SHISA9: variants seen among roughly 807,000 people sequenced by gnomAD.
SHISA9 encodes protein shisa-9.
A neutral mutation model predicts 38.0 loss-of-function variants in SHISA9; 13 were observed. The observed-to-expected ratio is 0.34, with a 90% confidence interval of 0.22 to 0.54. The LOEUF (loss-of-function observed/expected upper bound fraction) is 0.54. Among genes scored for constraint, SHISA9 ranks in the 20% least tolerant of loss-of-function variants. The probability of loss-of-function intolerance (pLI) is 0.91; values close to 1 mark genes in which losing one functional copy is unlikely to be tolerated. For synonymous variants in SHISA9, 275 were observed against 242.0 expected, an observed-to-expected ratio of 1.14 and a Z score of -1.27; for missense variants, 538 against 575.8, an observed-to-expected ratio of 0.93 and a Z score of 0.67.
At chr16:12,910,096 A>G (rs1309029456) in intron 1 of SHISA9, 1 of 152,244 alleles carries the variant, frequency 6.6e-6, no homozygotes, top group Non-Finnish European at 1.5e-5. Context: ...ACCTCAAGTG[A>G]TCCACCTGTC....
intron 4 of SHISA9, among the ~76,000 whole-genome samples, chr16:13,220,462 AT>A (rs1283610401): frequency 1.3e-5 from 2 of 152,210 alleles, no homozygotes; most frequent in Non-Finnish European, 2.9e-5. Flanking sequence ...CAAAGAATTG[AT>A]TCATGCATTA....
Position 13,074,469 on chromosome 16 carries a change from T to A in SHISA9, c.692-128925T>A, listed in dbSNP as rs148222258. Among the ~76,000 whole-genome samples the A allele has an allele frequency of 6.2e-3, 944 of 152,228 alleles. 10 individuals are homozygous for A. The highest frequency in any genetic ancestry group is 0.021 in the African/African-American group (893 of 41,550). On this transcript the variant is annotated intron_variant, in intron 2 of 4. Coordinates refer to ENST00000558583, the MANE Select transcript of SHISA9 (RefSeq NM_001145204.3). ...TTTTAATAGGCTTTTAATGGTGGTT[T>A]CTATGCACACTAAAAATTGAGAGCA...
At chr16:13,503,106 G>T in the SHISA9 span, among the ~76,000 whole-genome samples, 1 of 152,144 alleles carries the variant, frequency 6.6e-6, no homozygotes, top group African/African-American at 2.4e-5. Context: ...AACCTGCCAT[G>T]CTAAGAATAA....
chr16:13,195,379 C>T (rs556893444), intron 2 of SHISA9, among the ~76,000 whole-genome samples: 1 of 152,144 alleles, frequency 6.6e-6, no homozygotes, highest in Non-Finnish European at 1.5e-5. Flanking sequence ...TGGATTATAA[C>T]CCAAGGTATA....
intron 2 of SHISA9, among the ~76,000 whole-genome samples, chr16:12,944,779 T>C (rs2071667561): frequency 6.6e-6 from 1 of 152,116 alleles, no homozygotes; most frequent in Non-Finnish European, 1.5e-5. Flanking sequence ...TTTTTCAGTA[T>C]CAGTATCCTG....
At chr16:13,072,665 CTT>C (rs1051565551) in intron 2 of SHISA9, among the ~76,000 whole-genome samples, 1 of 145,760 alleles carries the variant, frequency 6.9e-6, no homozygotes, top group Non-Finnish European at 1.5e-5. Flanking sequence ...AAAGTAAAAT[CTT>C]TTTTTTTTTT....
the SHISA9 span, among the ~76,000 whole-genome samples, chr16:13,299,171 C>T: frequency 6.6e-6 from 1 of 152,332 alleles, no homozygotes; most frequent in Admixed American, 6.5e-5. Flanking sequence ...AAATTCACTC[C>T]TTAATGCCCT....
At chr16:13,346,530 T>G in the SHISA9 span, among the ~76,000 whole-genome samples, 1 of 152,300 alleles carries the variant, frequency 6.6e-6, no homozygotes, top group East Asian at 1.9e-4. Context: ...TGTTGTTGGC[T>G]TTCACAAAGG....
In SHISA9 at chr16:13,114,537, C is replaced by T. The variant is rs1032192209; in HGVS notation, c.692-88857C>T. ...TAACAATCACCCAGGTCCCCACTAC[C>T]TCAAATCAATAATTGTTAACATTTG... On this transcript the variant is annotated intron_variant, in intron 2 of 4. Coordinates refer to ENST00000558583, the MANE Select transcript of SHISA9 (RefSeq NM_001145204.3). Among the ~76,000 whole-genome samples the T allele has an allele frequency of 1.1e-4, 16 of 151,284 alleles. 1 individual carries two copies. Among genetic ancestry groups the T allele is most frequent in the South Asian group, 6.3e-4 (3 of 4,744 alleles).
chr16:13,196,411 G>GA (rs2050943259), intron 2 of SHISA9, among the ~76,000 whole-genome samples: 1 of 117,308 alleles, frequency 8.5e-6, no homozygotes, highest in Non-Finnish European at 1.8e-5. Context: ...AAAAAAAAAA[G>GA]AAAGAAAAAA....
chr16:12,955,686 G>A lies in SHISA9; in HGVS notation c.691+38871G>A, dbSNP rs2071822783. ...ACAGCCTTTTAAATAAATGGTACTGGGAGAATTGGCTAGCCATATGCAGAA... is the reference window on the plus strand; with the variant it reads ...ACAGCCTTTTAAATAAATGGTACTGAGAGAATTGGCTAGCCATATGCAGAA... On this transcript the variant is annotated intron_variant, in intron 2 of 4. Transcript: ENST00000558583. Among the ~76,000 whole-genome samples, 3 of 150,880 alleles carry A rather than the reference G, an allele frequency of 2.0e-5. 1 individual carries two copies. In the South Asian group the frequency reaches 6.3e-4, roughly 31 times the overall value.
At chr16:12,916,215 C>T (rs146556262) in intron 1 of SHISA9, among the ~76,000 whole-genome samples, 92 of 152,234 alleles carry the variant, frequency 6.0e-4, no homozygotes, top group African/African-American at 2.2e-3. Flanking sequence ...TAATAATCCT[C>T]ATAATGTGTT....
the SHISA9 span, among the ~76,000 whole-genome samples, chr16:13,328,417 CTT>C: frequency 6.5e-4 from 92 of 140,554 alleles, no homozygotes; most frequent in South Asian, 1.6e-3. Flanking sequence ...TCTCTTTTTC[CTT>C]TTTTTTTTTT....
the SHISA9 span, among the ~76,000 whole-genome samples, chr16:13,477,003 C>G: frequency 6.6e-6 from 1 of 152,186 alleles, no homozygotes; most frequent in African/African-American, 2.4e-5. Flanking sequence ...GCCTCGGCCT[C>G]CCAAACTTGG....
At chr16:13,359,345 T>C in the SHISA9 span, among the ~76,000 whole-genome samples, 2 of 151,894 alleles carry the variant, frequency 1.3e-5, no homozygotes, top group Admixed American at 1.3e-4. Context: ...TAGCTGGGTG[T>C]GGTGGTGGGC....
At chr16:12,988,515 T>C (rs2072342488) in intron 2 of SHISA9, among the ~76,000 whole-genome samples, 1 of 152,108 alleles carries the variant, frequency 6.6e-6, no homozygotes. Flanking sequence ...TATTTTATTG[T>C]TGTTGTTGTT....
At chr16:13,467,383 C>T in the SHISA9 span, among the ~76,000 whole-genome samples, 1 of 152,292 alleles carries the variant, frequency 6.6e-6, no homozygotes, top group Admixed American at 6.5e-5. Context: ...GGTTCTTCAG[C>T]TTTTGAATTC....
In SHISA9 at chr16:13,239,157, G is replaced by T. The variant is rs997135802; in HGVS notation, c.*3748G>T. 3 of 151,578 alleles carry T rather than the reference G, an allele frequency of 2.0e-5. No homozygotes were observed. Among genetic ancestry groups the T allele is most frequent in the African/African-American group, 7.3e-5 (3 of 41,260 alleles). The allele number at this position is 151,578 out of a possible 1,614,324, so 9.4% of individuals were successfully genotyped here. A position where few individuals can be genotyped will look rare whatever the true frequency, so the allele number is the denominator to read the frequency against. ...CAATTTCATCCATGTCCCTACAAAG[G>T]ACATGAACTCATCATTTTTTATGGC... On this transcript the variant is annotated 3_prime_UTR_variant, in exon 5 of 5. Transcript: ENST00000558583.
At chr16:12,948,956 C>G (rs939872403) in intron 2 of SHISA9, among the ~76,000 whole-genome samples, 2 of 152,132 alleles carry the variant, frequency 1.3e-5, no homozygotes, top group Admixed American at 1.3e-4. Context: ...CAAATAACCT[C>G]ATAATATTTC....
Sources: gnomAD v4.1 joint callset for allele counts (sites outside exome capture counted in the v4.1 genomes callset) on GRCh38, gnomAD v4.1.1 for gene constraint, MANE v1.5 for transcripts, NCBI Gene and HGNC (gene_info 2026-07-23, HGNC 2026-07-21) for gene names.